GALNT13: variants seen among roughly 807,000 people sequenced by gnomAD.
GALNT13 encodes the protein UDP-GalNAc:polypeptide N-acetylgalactosaminyltransferase 13.
Under a neutral mutation model 64.2 loss-of-function variants are expected in GALNT13, and 28 were observed. The ratio of observed to expected loss-of-function variants is 0.44; its 90% CI spans 0.32 to 0.60. GALNT13 has a LOEUF of 0.60. Among genes scored for constraint, GALNT13 ranks in the 20% least tolerant of loss-of-function variants. GALNT13 has a pLI of 0.05. For missense variants in GALNT13, 577 were observed against 669.8 expected, an observed-to-expected ratio of 0.86 and a Z score of 1.53; for synonymous variants, 214 against 224.6, an observed-to-expected ratio of 0.95 and a Z score of 0.42.
chr2:154,410,773 A>T (rs891607397), intron 11 of GALNT13, among the ~76,000 whole-genome samples: 4 of 151,952 alleles, frequency 2.6e-5, no homozygotes, highest in Non-Finnish European at 5.9e-5. Context: ...TCTGCTCCAT[A>T]ATTTCATACA....
chr2:153,965,060 A>G (rs887925121), intron 3 of GALNT13, among the ~76,000 whole-genome samples: 4 of 152,156 alleles, frequency 2.6e-5, no homozygotes, highest in African/African-American at 7.2e-5. Context: ...GGATGTTTCA[A>G]TATTTTTAAG....
At chr2:153,480,152 AATTAAAAAT>A in the GALNT13 span, among the ~76,000 whole-genome samples, 14 of 152,302 alleles carry the variant, frequency 9.2e-5, no homozygotes, top group Admixed American at 5.9e-4. Context: ...TACAGTTGTC[AATTAAAAAT>A]AAAATAAAAC....
chr2:153,977,691 G>A (rs1238196062), intron 3 of GALNT13, among the ~76,000 whole-genome samples: 1 of 152,016 alleles, frequency 6.6e-6, no homozygotes, highest in Non-Finnish European at 1.5e-5. Flanking sequence ...TTATCTCAGA[G>A]CATTTTAGAG....
chr2:154,407,177 A>G (rs1699584720), intron 10 of GALNT13, among the ~76,000 whole-genome samples: 1 of 152,152 alleles, frequency 6.6e-6, no homozygotes, highest in Non-Finnish European at 1.5e-5. Context: ...TGCCTATTCA[A>G]GTACCATGTA....
chr2:153,672,003 T>G, the GALNT13 span, among the ~76,000 whole-genome samples: 1 of 152,146 alleles, frequency 6.6e-6, no homozygotes, highest in Non-Finnish European at 1.5e-5. Flanking sequence ...AAGAGTTAAC[T>G]ATCCTAAATA....
At chr2:153,270,968 C>A in the GALNT13 span, among the ~76,000 whole-genome samples, 4 of 152,146 alleles carry the variant, frequency 2.6e-5, no homozygotes, top group African/African-American at 9.7e-5. Flanking sequence ...TCAACATATG[C>A]AACTCATAAA....
the GALNT13 span, among the ~76,000 whole-genome samples, chr2:153,361,901 C>G: frequency 2.5e-4 from 38 of 152,064 alleles, no homozygotes; most frequent in Admixed American, 2.5e-3. Context: ...ACAAGATCAA[C>G]CCCAAGACAC....
At chr2:153,372,964 C>T in the GALNT13 span, among the ~76,000 whole-genome samples, 3 of 152,150 alleles carry the variant, frequency 2.0e-5, no homozygotes, top group Non-Finnish European at 4.4e-5. Flanking sequence ...TATTGACATC[C>T]ATTTCCTGCC....
the GALNT13 span, among the ~76,000 whole-genome samples, chr2:153,333,762 T>C: frequency 1.3e-5 from 2 of 152,234 alleles, no homozygotes; most frequent in East Asian, 1.9e-4. Flanking sequence ...ATGAAAAGTC[T>C]TCAAATATTT....
chr2:154,258,023 C>CT (rs879467682), intron 7 of GALNT13, among the ~76,000 whole-genome samples: 3 of 151,232 alleles, frequency 2.0e-5, no homozygotes, highest in Admixed American at 6.6e-5. Flanking sequence ...ACATGCCCAT[C>CT]TTTTTTTTTA....
chr2:154,087,867 A>G (rs540469894), intron 3 of GALNT13, among the ~76,000 whole-genome samples: 14 of 152,232 alleles, frequency 9.2e-5, no homozygotes, highest in South Asian at 8.3e-4. Context: ...AAGAAAAGTT[A>G]TAAGGTTTAA....
chr2:153,465,046 T>G, the GALNT13 span, among the ~76,000 whole-genome samples: 1 of 152,212 alleles, frequency 6.6e-6, no homozygotes, highest in South Asian at 2.1e-4. Context: ...TCCACAGTGG[T>G]GAAGTCTATT....
chr2:154,375,549 GA>G (rs1031458808), intron 9 of GALNT13, among the ~76,000 whole-genome samples: 7 of 151,974 alleles, frequency 4.6e-5, no homozygotes, highest in African/African-American at 1.2e-4. Context: ...ATTTATCACT[GA>G]AAAAGGGCAA....
At chr2:153,297,935 A>G in the GALNT13 span, among the ~76,000 whole-genome samples, 1 of 152,194 alleles carries the variant, frequency 6.6e-6, no homozygotes, top group African/African-American at 2.4e-5. Flanking sequence ...GAGAGAAAAC[A>G]TTATGATTCA....
rs116314284 is a variant in GALNT13 at position 154,300,639 on chromosome 2, G to T, written c.976-770G>T. Among the ~76,000 whole-genome samples the T allele has an allele frequency of 4.3e-3, 654 of 152,086 alleles. 1 individual carries two copies. The highest frequency in any genetic ancestry group is 7.3e-3 in the Non-Finnish European group (496 of 67,978). On this transcript the variant is annotated intron_variant, in intron 8 of 12. Coordinates refer to ENST00000392825, the MANE Select transcript of GALNT13 (RefSeq NM_052917.4). ...CATATATAGAAATAGTATAAGCTAT[G>T]ATTATACAACATAATTTCATAGAAA...
chr2:153,704,393 CTT>C, the GALNT13 span, among the ~76,000 whole-genome samples: 1 of 152,200 alleles, frequency 6.6e-6, no homozygotes, highest in African/African-American at 2.4e-5. Flanking sequence ...ATCATATTAA[CTT>C]TTCCTGAAAG....
the GALNT13 span, among the ~76,000 whole-genome samples, chr2:153,603,127 G>A: frequency 6.6e-6 from 1 of 151,840 alleles, no homozygotes; most frequent in African/African-American, 2.4e-5. Context: ...AGCTTCTCTT[G>A]CTGTCAGGTA....
chr2:154,445,746 A>G, intron 12 of GALNT13: 1 of 1,177,672 alleles, frequency 8.5e-7, no homozygotes, highest in Non-Finnish European at 1.1e-6. Flanking sequence ...AAGTAGCTTA[A>G]TTTTAACAGG....
At chr2:154,342,361 A>G (rs1365957440) in intron 9 of GALNT13, among the ~76,000 whole-genome samples, 1 of 152,072 alleles carries the variant, frequency 6.6e-6, no homozygotes, top group African/African-American at 2.4e-5. Context: ...TAAGAAAGAC[A>G]AACTGTAAAC....
Sources: allele counts gnomAD v4.1 joint callset (sites outside exome capture counted in the v4.1 genomes callset), GRCh38; gene constraint gnomAD v4.1.1; transcripts MANE v1.5; gene names NCBI Gene and HGNC (gene_info 2026-07-23, HGNC 2026-07-21).